The following FRAS1 variants were observed in gnomAD, a reference collection of about 807,000 sequenced individuals.
FRAS1 encodes extracellular matrix organizing protein FRAS1.
FRAS1 carries 290 observed loss-of-function variants against 435.2 expected under a neutral mutation model. The ratio of observed to expected loss-of-function variants is 0.67; its 90% CI spans 0.61 to 0.73. The LOEUF (loss-of-function observed/expected upper bound fraction) is 0.73, where lower values mean the gene tolerates loss of function less well. FRAS1 is among the 30% of genes least tolerant of loss of function. The pLI is 0.00. For missense variants in FRAS1, 4,860 were observed against 5,001.5 expected (o/e 0.97, Z 0.85); for synonymous variants, 1,800 against 1,851.0 (o/e 0.97, Z 0.71).
At chr4:78,420,617 G>A (rs4975058) in intron 33 of FRAS1, among the ~76,000 whole-genome samples, 105,263 of 133,054 alleles carry the variant, frequency 0.79, 42,629 homozygotes, top group African/African-American at 0.95. Context: ...CTGTAGCCAA[G>A]GATTATTGCA....
intron 20 of FRAS1, among the ~76,000 whole-genome samples, chr4:78,342,913 T>A (rs1232109474): frequency 6.6e-6 from 1 of 152,232 alleles, no homozygotes; most frequent in African/African-American, 2.4e-5. Flanking sequence ...ATGAAGTATT[T>A]TTTTAAATGC....
chr4:78,379,459 C>T, intron 26 of FRAS1: 1 of 401,638 alleles, frequency 2.5e-6, no homozygotes, highest in Non-Finnish European at 4.4e-6. Flanking sequence ...GAGGACCTCC[C>T]ACTGGCAGGC....
chr4:78,114,836 G>A (rs1246998179), intron 2 of FRAS1, among the ~76,000 whole-genome samples: 2 of 152,274 alleles, frequency 1.3e-5, no homozygotes, highest in Admixed American at 6.5e-5. Context: ...TCTCCTGCCT[G>A]ATTGCCCTGG....
At chr4:78,501,593 G>A (rs1158475615) in intron 61 of FRAS1, among the ~76,000 whole-genome samples, 2 of 152,158 alleles carry the variant, frequency 1.3e-5, no homozygotes, top group Non-Finnish European at 2.9e-5. Context: ...CAGCATAAAA[G>A]CGGTCCTATT....
chr4:78,109,528 A>G (rs1446475345), intron 2 of FRAS1, among the ~76,000 whole-genome samples: 2 of 147,140 alleles, frequency 1.4e-5, no homozygotes, highest in South Asian at 4.5e-4. Flanking sequence ...ATGCAGAAAA[A>G]GCCTTTGACA....
chr4:78,341,522 A>G (rs1466298669), intron 20 of FRAS1, among the ~76,000 whole-genome samples: 1 of 152,178 alleles, frequency 6.6e-6, no homozygotes, highest in Non-Finnish European at 1.5e-5. Flanking sequence ...GATAAAGAGA[A>G]GGGGTCACGA....
chr4:78,485,311 A>G (rs1720135986), intron 58 of FRAS1, among the ~76,000 whole-genome samples: 1 of 152,198 alleles, frequency 6.6e-6, no homozygotes, highest in Non-Finnish European at 1.5e-5. Context: ...ACTCTTACCA[A>G]CAAGACTCCA....
intron 31 of FRAS1, among the ~76,000 whole-genome samples, chr4:78,412,574 A>G (rs1399617960): frequency 1.3e-5 from 2 of 152,232 alleles, no homozygotes; most frequent in Non-Finnish European, 1.5e-5. Context: ...CTCAAAAATT[A>G]TGTTTTCTAG....
chr4:78,089,906 C>T (rs1741422435), intron 2 of FRAS1, among the ~76,000 whole-genome samples: 1 of 152,168 alleles, frequency 6.6e-6, no homozygotes, highest in Non-Finnish European at 1.5e-5. Context: ...CCTCTCCCTC[C>T]TCCTACCCTC....
At chr4:78,476,515 C>G (rs568858982) in intron 54 of FRAS1, among the ~76,000 whole-genome samples, 97 of 152,126 alleles carry the variant, frequency 6.4e-4, no homozygotes, top group African/African-American at 2.2e-3. Context: ...CAACACAGAT[C>G]TCTGTAAAGA....
chr4:78,149,790 C>G (rs909103901), intron 2 of FRAS1, among the ~76,000 whole-genome samples: 2 of 152,138 alleles, frequency 1.3e-5, no homozygotes, highest in African/African-American at 4.8e-5. Flanking sequence ...CTGATGTTGC[C>G]TGGAGGAGGC....
chr4:78,503,853 A>T (rs1037186599), intron 61 of FRAS1, among the ~76,000 whole-genome samples: 2 of 152,106 alleles, frequency 1.3e-5, no homozygotes, highest in Non-Finnish European at 1.5e-5. Context: ...TGAGCATTTA[A>T]TGCTATAAAT....
At chr4:78,445,028 A>C (rs1718754176) in intron 41 of FRAS1, among the ~76,000 whole-genome samples, 1 of 152,344 alleles carries the variant, frequency 6.6e-6, no homozygotes, top group Admixed American at 6.5e-5. Context: ...TAAAAGATAC[A>C]CAGTTAACAC....
chr4:78,513,742 C>T (rs530313855), intron 65 of FRAS1, among the ~76,000 whole-genome samples, 190 bp downstream of exon 65: 11 of 152,342 alleles, frequency 7.2e-5, no homozygotes, highest in Admixed American at 6.5e-4. Flanking sequence ...GAAACAAGGA[C>T]TTTGGAATCA....
At chr4:78,103,495 G>A (rs1326767557) in intron 2 of FRAS1, among the ~76,000 whole-genome samples, 5 of 152,148 alleles carry the variant, frequency 3.3e-5, no homozygotes, top group Non-Finnish European at 7.3e-5. Context: ...TAGCAGGGAT[G>A]TGCATTTATG....
At chr4:78,198,359 A>G (rs1722909209) in intron 2 of FRAS1, among the ~76,000 whole-genome samples, 1 of 151,802 alleles carries the variant, frequency 6.6e-6, no homozygotes, top group Admixed American at 6.6e-5. Flanking sequence ...TTTTATGACA[A>G]ACCTTTGCAT....
intron 6 of FRAS1, among the ~76,000 whole-genome samples, chr4:78,261,236 A>T (rs1031723721): frequency 1.1e-4 from 17 of 151,686 alleles, no homozygotes; most frequent in Middle Eastern, 3.2e-3. Context: ...TATCCTGTTG[A>T]TTTTTTATTG....
chr4:78,375,765 A>C lies in FRAS1; in HGVS notation c.3178A>C (p.Ser1060Arg), dbSNP rs528189555. The C allele has an allele frequency of 1.2e-6, 2 of 1,606,548 alleles. No homozygotes were observed. The highest frequency in any genetic ancestry group is 1.7e-4 in the Middle Eastern group (1 of 6,042). ...TACPQGCLQC[S>R]HRDRCHLCDH... ...CTGCCCTCAGGGGTGCTTGCAGTGCAGCCACAGGGACCGTTGTCACCTCTG... is the reference window on the plus strand; with the variant it reads ...CTGCCCTCAGGGGTGCTTGCAGTGCCGCCACAGGGACCGTTGTCACCTCTG... The change falls in exon 26 of 74, where the codon AGC (serine) becomes CGC (arginine). Residue 1060 changes from serine to arginine, a missense_variant. Physicochemically the swap from Ser to Arg is moderately radical, Grantham distance 110 (BLOSUM62 -1). Transcript: ENST00000512123.
At chr4:78,075,130 A>G (rs1269398870) in intron 2 of FRAS1, among the ~76,000 whole-genome samples, 1 of 152,190 alleles carries the variant, frequency 6.6e-6, no homozygotes, top group Non-Finnish European at 1.5e-5. Flanking sequence ...CATCCTGGGG[A>G]TAAGAAAGGC....
Sources: allele counts gnomAD v4.1 joint callset (sites outside exome capture counted in the v4.1 genomes callset), GRCh38; gene constraint gnomAD v4.1.1; transcripts MANE v1.5; gene names NCBI Gene and HGNC (gene_info 2026-07-23, HGNC 2026-07-21).